FAM120B: variants seen among roughly 807,000 people sequenced by gnomAD.
The protein encoded by FAM120B is family with sequence similarity 120 member B.
Under a neutral mutation model 96.3 loss-of-function variants are expected in FAM120B, and 83 were observed. The ratio of observed to expected loss-of-function variants is 0.86; its 90% CI spans 0.72 to 1.03. FAM120B has a LOEUF of 1.03. Among genes scored for constraint, FAM120B ranks in the 50% least tolerant of loss-of-function variants. The probability of loss-of-function intolerance (pLI) is 0.00; values close to 1 mark genes in which losing one functional copy is unlikely to be tolerated. For synonymous variants in FAM120B, 407 were observed against 402.7 expected (o/e 1.01, Z -0.13); for missense variants, 1,027 against 1,121.2 (o/e 0.92, Z 1.20).
chr6:170,388,925 A>T (rs557869130), intron 7 of FAM120B, among the ~76,000 whole-genome samples: 1 of 152,348 alleles, frequency 6.6e-6, no homozygotes, highest in East Asian at 1.9e-4. Context: ...TGTATTATAT[A>T]TGTATTATAT....
In FAM120B at chr6:170,341,816, C is replaced by A. The variant is rs182909029; in HGVS notation, c.2018-6335C>A. ...CACCCTCCATGGGCTGAACCAATGCCTAACCAGTCCCATTGAGATGAACCA... is the reference window on the plus strand; with the variant it reads ...CACCCTCCATGGGCTGAACCAATGCATAACCAGTCCCATTGAGATGAACCA... On this transcript the variant is annotated intron_variant, in intron 4 of 10. Transcript: ENST00000476287. 1.3e-4 allele frequency among the ~76,000 whole-genome samples: 20 copies of A among 152,296 alleles called. No homozygotes were observed. The East Asian group carries it at 3.9e-3, about 29-fold the overall frequency.
At chr6:170,391,845 G>GT (rs1222648594) in intron 8 of FAM120B, among the ~76,000 whole-genome samples, 4 of 152,166 alleles carry the variant, frequency 2.6e-5, no homozygotes, top group African/African-American at 9.7e-5. Flanking sequence ...TTCTGCCAAG[G>GT]TTTTCTGTGT....
chr6:170,330,766 G>C, intron 4 of FAM120B: 1 of 547,204 alleles, frequency 1.8e-6, no homozygotes, highest in Non-Finnish European at 3.3e-6. Flanking sequence ...CATCTGCGGC[G>C]GTGCTCTGCC....
chr6:170,364,661 C>A (rs1788661460), intron 6 of FAM120B, among the ~76,000 whole-genome samples: 1 of 152,304 alleles, frequency 6.6e-6, no homozygotes, highest in Non-Finnish European at 1.5e-5. Context: ...CCCTCTGACA[C>A]CTCTCTCTGG....
At chr6:170,325,246 T>C (rs1785516151) in intron 3 of FAM120B, among the ~76,000 whole-genome samples, 1 of 152,198 alleles carries the variant, frequency 6.6e-6, no homozygotes, top group South Asian at 2.1e-4. Flanking sequence ...TCCAGTATTC[T>C]TACTGTTAAT....
At chr6:170,399,267 C>T (rs1196206289) in intron 9 of FAM120B, among the ~76,000 whole-genome samples, 1 of 145,544 alleles carries the variant, frequency 6.9e-6, no homozygotes, top group Non-Finnish European at 1.5e-5. Context: ...AGAACTATGT[C>T]ATAACTCTTA....
At position 170,317,799 on chromosome 6, in the gene FAM120B, C is replaced by T. The variant is rs1434639521; in HGVS notation, c.409C>T (p.Leu137=). ...AAATATGTTCTTCATCCCCTCAGGG[C>T]TAGCTGTGTTTACACGATTTGCTCT... ...GRNMFFIPSG[L]AVFTRFALKT... is the part of the protein sequence containing the mutation. Residue 137 remains leucine (L), a synonymous_variant, in exon 2 of 11, where the codon CTA becomes TTA. Transcript: ENST00000476287. The T allele has an allele frequency of 1.9e-6, 3 of 1,614,212 alleles. No individual in the cohort carries two copies. Among genetic ancestry groups the T allele is most frequent in the Middle Eastern group, 1.6e-4 (1 of 6,062 alleles).
chr6:170,393,553 C>T (rs567763147), intron 8 of FAM120B, among the ~76,000 whole-genome samples: 1 of 152,278 alleles, frequency 6.6e-6, no homozygotes, highest in East Asian at 1.9e-4. Flanking sequence ...ATTAATGAGG[C>T]GAACTACATT....
At chr6:170,377,714 G>A (rs1480159693) in intron 6 of FAM120B, among the ~76,000 whole-genome samples, 2 of 140,936 alleles carry the variant, frequency 1.4e-5, no homozygotes, top group African/African-American at 2.7e-5. Flanking sequence ...CTGTGCACAC[G>A]CGTCCCTAAT....
chr6:170,310,479 G>A (rs1473036181), intron 1 of FAM120B, among the ~76,000 whole-genome samples: 2 of 152,216 alleles, frequency 1.3e-5, no homozygotes, highest in African/African-American at 4.8e-5. Context: ...GCTAAGTGAG[G>A]GTTGTGGCCT....
At chr6:170,315,926 GAA>G (rs1448866391) in intron 1 of FAM120B, among the ~76,000 whole-genome samples, 2 of 137,772 alleles carry the variant, frequency 1.5e-5, no homozygotes, top group African/African-American at 2.7e-5. Context: ...GTCTCCACTG[GAA>G]AAAAAAAAAA....
At chr6:170,366,592 G>A (rs1788816194) in intron 6 of FAM120B, among the ~76,000 whole-genome samples, 1 of 152,202 alleles carries the variant, frequency 6.6e-6, no homozygotes, top group Admixed American at 6.5e-5. Context: ...CACTTGGGAG[G>A]TGAGGGGTGG....
At chr6:170,379,001 A>C (rs756829806) in intron 6 of FAM120B, among the ~76,000 whole-genome samples, 1 of 152,244 alleles carries the variant, frequency 6.6e-6, no homozygotes, top group Non-Finnish European at 1.5e-5. Flanking sequence ...CCATGGGCCC[A>C]GGCAGCCTTG....
chr6:170,361,004 G>A (rs1788322404), intron 6 of FAM120B, among the ~76,000 whole-genome samples: 1 of 151,908 alleles, frequency 6.6e-6, no homozygotes, highest in East Asian at 1.9e-4. Context: ...AGTTCGCAGT[G>A]GCTTTCTCAA....
chr6:170,295,374 C>G lies in FAM120B; in HGVS notation c.-32C>G, dbSNP rs1033083024. 1.4e-6 allele frequency: 1 copy of G among 700,804 alleles called. No homozygotes were observed. Among genetic ancestry groups the G allele is most frequent in the African/African-American group, 1.8e-5 (1 of 57,052 alleles). The allele number at this position is 700,804 out of a possible 1,614,324, so 43.4% of individuals were successfully genotyped here. On this transcript the variant is annotated 5_prime_UTR_variant, in exon 1 of 11. Transcript: ENST00000537664. This position sits in a 1 kb window ranked among gnomAD's most constrained non-coding sequence, Gnocchi z 7.8. ...CCCACGAAGCCATCGTTCGTCACAGCCTGGAAAAGGGAGGGGGCATCGATC... is the reference window on the plus strand; with the variant it reads ...CCCACGAAGCCATCGTTCGTCACAGGCTGGAAAAGGGAGGGGGCATCGATC...
chr6:170,332,910 C>CT (rs1219133062), intron 4 of FAM120B, among the ~76,000 whole-genome samples: 2 of 151,134 alleles, frequency 1.3e-5, no homozygotes, highest in African/African-American at 2.4e-5. Context: ...CATGTTCTTT[C>CT]TTTTTTTTTA....
At chr6:170,330,182 A>G (rs768736763) in intron 3 of FAM120B, among the ~76,000 whole-genome samples, 2 of 151,802 alleles carry the variant, frequency 1.3e-5, no homozygotes, top group Non-Finnish European at 2.9e-5. Flanking sequence ...AACATGGTAA[A>G]CTCTCTCTCC....
chr6:170,345,088 C>T (rs938136731), intron 4 of FAM120B, among the ~76,000 whole-genome samples: 6 of 152,168 alleles, frequency 3.9e-5, no homozygotes, highest in African/African-American at 1.2e-4. Flanking sequence ...GTCAGCACCT[C>T]CTGTGGTGCC....
At chr6:170,394,856 G>A (rs1425290844) in intron 8 of FAM120B, among the ~76,000 whole-genome samples, 1 of 152,262 alleles carries the variant, frequency 6.6e-6, no homozygotes, top group Non-Finnish European at 1.5e-5. Flanking sequence ...GGCCCACCTC[G>A]CGGATGCTTC....
Sources: allele counts gnomAD v4.1 joint callset (sites outside exome capture counted in the v4.1 genomes callset), GRCh38; gene constraint gnomAD v4.1.1; non-coding constraint Gnocchi (gnomAD v3.1); transcripts MANE v1.5; gene names NCBI Gene and HGNC (gene_info 2026-07-23, HGNC 2026-07-21).